The following ANKS6 variants were observed in gnomAD, a reference collection of about 807,000 sequenced individuals.
The protein encoded by ANKS6 is ankyrin repeat and sterile alpha motif domain containing 6, also known as ankyrin repeat and SAM domain-containing protein 6.
A neutral mutation model predicts 77.9 loss-of-function variants in ANKS6; 47 were observed. The observed-to-expected ratio is 0.60, with a 90% CI of 0.48 to 0.77. The LOEUF (loss-of-function observed/expected upper bound fraction) is 0.77, where lower values mean the gene tolerates loss of function less well. Among genes scored for constraint, ANKS6 ranks in the 30% least tolerant of loss-of-function variants. The pLI, the probability that ANKS6 is intolerant of heterozygous loss-of-function variation, is 0.00. For missense variants in ANKS6, 1,150 were observed against 1,159.1 expected (o/e 0.99, Z 0.11); for synonymous variants, 488 against 501.7 (o/e 0.97, Z 0.37).
chr9:98,744,379 G>C lies in ANKS6; in HGVS notation c.2511+1180C>G, dbSNP rs188105453. Among the ~76,000 whole-genome samples the C allele has an allele frequency of 4.6e-4, 70 of 152,266 alleles. 1 individual carries two copies. Among genetic ancestry groups the C allele is most frequent in the Admixed American group, 3.5e-3 (54 of 15,302 alleles). ...AGAGAGGTGAAGAGAAAGAGGCCAG[G>C]AGGCCTCGGTTTAGCGTCTCCCTCC... On this transcript the variant is annotated intron_variant, in intron 14 of 14. Coordinates refer to ENST00000353234, the MANE Select transcript of ANKS6 (RefSeq NM_173551.5).
At position 98,756,687 on chromosome 9, in the gene ANKS6, T is replaced by C. The variant is rs184449242; in HGVS notation, c.2143-84A>G. On this transcript the variant is annotated intron_variant, in intron 11 of 14. Coordinates refer to ENST00000353234, the MANE Select transcript of ANKS6 (RefSeq NM_173551.5). ...AACAAGACACCCACAACAGGGAACA[T>C]GGGTGGTATTTGATTCAACATGATG... is the stretch of plus-strand genomic sequence containing the variant. The C allele has an allele frequency of 4.3e-4, 508 of 1,187,368 alleles. 1 individual carries two copies. In the African/African-American group the frequency reaches 6.9e-3, roughly 16 times the overall value. The allele number at this position is 1,187,368 out of a possible 1,614,324, so 73.6% of individuals were successfully genotyped here. A position where few individuals can be genotyped will look rare whatever the true frequency, so the allele number is the denominator to read the frequency against.
intron 8 of ANKS6, among the ~76,000 whole-genome samples, chr9:98,776,160 C>T (rs1277572850): frequency 1.3e-5 from 2 of 152,158 alleles, no homozygotes; most frequent in Non-Finnish European, 2.9e-5. Flanking sequence ...GTTCACACCA[C>T]GGAGCTTATT....
chr9:98,769,370 A>C (rs1393088471), intron 10 of ANKS6, among the ~76,000 whole-genome samples: 1 of 152,194 alleles, frequency 6.6e-6, no homozygotes, highest in Non-Finnish European at 1.5e-5. Context: ...TAAATAAATG[A>C]AATCACTGAA....
At chr9:98,749,381 G>A (rs1227807290) in intron 13 of ANKS6, among the ~76,000 whole-genome samples, 1 of 152,164 alleles carries the variant, frequency 6.6e-6, no homozygotes, top group East Asian at 1.9e-4. Flanking sequence ...ACTAAAATTA[G>A]AGCAAATCTG....
intron 11 of ANKS6, among the ~76,000 whole-genome samples, chr9:98,767,517 G>A (rs1001598849): frequency 3.3e-5 from 5 of 152,186 alleles, no homozygotes; most frequent in African/African-American, 9.7e-5. Context: ...TGTCCTTAGA[G>A]CGGTTGCCAA....
intron 12 of ANKS6, among the ~76,000 whole-genome samples, chr9:98,754,608 C>T (rs1377846519): frequency 2.0e-5 from 3 of 151,698 alleles, no homozygotes; most frequent in Admixed American, 2.0e-4. Flanking sequence ...CGCCACTGCA[C>T]TCCAGCATGG....
chr9:98,752,382 T>C (rs1164908895), intron 12 of ANKS6, among the ~76,000 whole-genome samples: 4 of 152,172 alleles, frequency 2.6e-5, no homozygotes, highest in Admixed American at 6.5e-5. Flanking sequence ...CTTAGGTTCC[T>C]TCTTTTTTTA....
chr9:98,732,633 C>T lies in ANKS6; in HGVS notation c.*3886G>A. ...AAATGGGCAACCATCTTTGAGGTTTCCCACATCTGCACCGCTCCACAGTGT... is the reference window on the plus strand; with the variant it reads ...AAATGGGCAACCATCTTTGAGGTTTTCCACATCTGCACCGCTCCACAGTGT... On this transcript the variant is annotated 3_prime_UTR_variant, in exon 15 of 15. Transcript: ENST00000353234. 1 of 1,546,950 alleles carries T rather than the reference C, an allele frequency of 6.5e-7. No homozygotes were observed. The highest frequency in any genetic ancestry group is 8.7e-7 in the Non-Finnish European group (1 of 1,146,008).
At chr9:98,746,463 G>C (rs1392349338) in intron 13 of ANKS6, among the ~76,000 whole-genome samples, 1 of 152,126 alleles carries the variant, frequency 6.6e-6, no homozygotes, top group Non-Finnish European at 1.5e-5. Context: ...GCAGTTAGCA[G>C]TATGTGTGCA....
chr9:98,734,003 A>G lies in ANKS6; in HGVS notation c.*2516T>C, dbSNP rs1417683076. ...GGAAGGGGGTGATCAAGGACCAAAA[A>G]TCAGAAAAACAAGCACCCAACTGAC... is the stretch of plus-strand genomic sequence containing the variant. On this transcript the variant is annotated 3_prime_UTR_variant, in exon 15 of 15. Coordinates refer to ENST00000353234, the MANE Select transcript of ANKS6 (RefSeq NM_173551.5). 4 of 985,172 alleles carry G rather than the reference A, an allele frequency of 4.1e-6. No homozygotes were observed. The highest frequency in any genetic ancestry group is 6.2e-5 in the Admixed American group (1 of 16,242). The allele number at this position is 985,172 out of a possible 1,614,324, so 61.0% of individuals were successfully genotyped here. A position where few individuals can be genotyped will look rare whatever the true frequency, so the allele number is the denominator to read the frequency against.
At position 98,773,928 on chromosome 9, in the gene ANKS6, C is replaced by T; in HGVS notation, c.1770G>A (p.Leu590=). 1 of 1,598,030 alleles carries T rather than the reference C, an allele frequency of 6.3e-7. No homozygotes were observed. Among genetic ancestry groups the T allele is most frequent in the South Asian group, 1.1e-5 (1 of 89,354 alleles). The part of the protein sequence containing the change: ...NGKADPMKTA[L]PQRASRGHPV... ...GGTGGCCCCTGCTGGCTCTCTGGGG[C>T]AGCGCAGTCTTCATGGGGTCTGCCT... The change falls in exon 9 of 15, where the codon CTG becomes CTA. Residue 590 remains leucine, a synonymous_variant. Transcript: ENST00000353234.
chr9:98,767,976 T>C (rs958483945), intron 11 of ANKS6, 105 bp downstream of exon 11: 4 of 1,430,738 alleles, frequency 2.8e-6, no homozygotes, highest in South Asian at 1.4e-5. Flanking sequence ...GGCCTGTCTT[T>C]AGTCCTGTCC....
At position 98,754,408 on chromosome 9, in the gene ANKS6, G is replaced by C. The variant is rs397237; in HGVS notation, c.2326+2012C>G. On this transcript the variant is annotated intron_variant, in intron 12 of 14. Transcript: ENST00000353234. Reference sequence around the variant, plus strand: ...TGTAATCCAAGCACTTTGGGAGGCCGAGGCGGGCGGATCACGAGGTCAGGA... The same window carrying C: ...TGTAATCCAAGCACTTTGGGAGGCCCAGGCGGGCGGATCACGAGGTCAGGA... 2.5e-4 allele frequency among the ~76,000 whole-genome samples: 38 copies of C among 152,254 alleles called. 1 individual carries two copies. The South Asian group carries it at 7.5e-3, about 30-fold the overall frequency.
Position 98,733,612 on chromosome 9 carries a change from G to A in ANKS6, c.*2907C>T. On this transcript the variant is annotated 3_prime_UTR_variant, in exon 15 of 15. Transcript: ENST00000353234. ...CAGAAAAAGCGGGGCTTCTCCAATG[G>A]TGTCCAAGGAATTCCAGTCTTGCAA... The A allele has an allele frequency of 6.1e-6, 6 of 985,474 alleles. No individual in the cohort carries two copies. The highest frequency in any genetic ancestry group is 6.0e-6 in the Non-Finnish European group (5 of 829,972). 61.0% of individuals were successfully genotyped at this position (985,474 alleles called of 1,614,324 possible).
Position 98,732,979 on chromosome 9 carries a change from C to T in ANKS6, c.*3540G>A, listed in dbSNP as rs991251988. ...CCCTTTGAGGCCCCACTCCATCTCTCTCCTCTGGGGCGTGCCCAGGCTGAG... is the reference window on the plus strand; with the variant it reads ...CCCTTTGAGGCCCCACTCCATCTCTTTCCTCTGGGGCGTGCCCAGGCTGAG... On this transcript the variant is annotated 3_prime_UTR_variant, in exon 15 of 15. Coordinates refer to ENST00000353234, the MANE Select transcript of ANKS6 (RefSeq NM_173551.5). The T allele has an allele frequency of 2.0e-6, 2 of 1,023,060 alleles. No homozygotes were observed. The highest frequency in any genetic ancestry group is 2.4e-6 in the Non-Finnish European group (2 of 847,972). The allele number at this position is 1,023,060 out of a possible 1,614,324, so 63.4% of individuals were successfully genotyped here.
rs1831316761 is a variant in ANKS6, at chr9:98,733,504, C to T, written c.*3015G>A. 2.0e-6 allele frequency: 2 copies of T among 985,514 alleles called. No individual in the cohort carries two copies. Among genetic ancestry groups the T allele is most frequent in the Non-Finnish European group, 2.4e-6 (2 of 829,982 alleles). The allele number at this position is 985,514 out of a possible 1,614,324, so 61.0% of individuals were successfully genotyped here. On this transcript the variant is annotated 3_prime_UTR_variant, in exon 15 of 15. Coordinates refer to ENST00000353234, the MANE Select transcript of ANKS6 (RefSeq NM_173551.5). ...CCCACTGCCAAGCAGGCCACCTCTGCAGAGCTGCTGGGGAGAAAAAGGTGA... is the reference window on the plus strand; with the variant it reads ...CCCACTGCCAAGCAGGCCACCTCTGTAGAGCTGCTGGGGAGAAAAAGGTGA...
Position 98,768,271 on chromosome 9 carries a change from T to C in ANKS6, c.1973-21A>G, listed in dbSNP as rs551291643. The C allele has an allele frequency of 1.7e-4, 277 of 1,613,172 alleles. 4 individuals carry two copies. In the South Asian group the frequency reaches 2.0e-3, roughly 12 times the overall value. On this transcript the variant is annotated intron_variant, in intron 10 of 14. Coordinates refer to ENST00000353234, the MANE Select transcript of ANKS6 (RefSeq NM_173551.5). ...GCCACCTGAGGAAACACAAAATGAG[T>C]GAACACCATGGGCACAGAGGGCTTA...
chr9:98,790,036 C>A (rs1440454939), intron 2 of ANKS6, 68 bp downstream of exon 2: 1 of 1,505,946 alleles, frequency 6.6e-7, no homozygotes, highest in Non-Finnish European at 8.9e-7. Context: ...GTAGAGCAAT[C>A]CTCAGCTTAA....
chr9:98,751,994 G>A (rs1314183534), intron 12 of ANKS6, among the ~76,000 whole-genome samples: 1 of 152,188 alleles, frequency 6.6e-6, no homozygotes, highest in Admixed American at 6.5e-5. Context: ...GCTGAAGCAA[G>A]AGGATCACTT....
Sources: gnomAD v4.1 joint callset for allele counts (sites outside exome capture counted in the v4.1 genomes callset) on GRCh38, gnomAD v4.1.1 for gene constraint, MANE v1.5 for transcripts, NCBI Gene and HGNC (gene_info 2026-07-23, HGNC 2026-07-21) for gene names.